Variants in VWA5B1 observed in about 807,000 individuals in gnomAD.
VWA5B1 encodes the protein von Willebrand factor A domain containing 5B1.
Under a neutral mutation model 118.2 loss-of-function variants are expected in VWA5B1, and 115 were observed. The ratio of observed to expected loss-of-function variants is 0.97; its 90% CI spans 0.84 to 1.14. The LOEUF (loss-of-function observed/expected upper bound fraction) is 1.14. VWA5B1 is among the 50% of genes most tolerant of loss of function. VWA5B1 has a pLI of 0.00. For missense variants in VWA5B1, 1,596 were observed against 1,603.8 expected, an observed-to-expected ratio of 1.00 and a Z score of 0.08; for synonymous variants, 682 against 658.4, an observed-to-expected ratio of 1.04 and a Z score of -0.55.
chr1:20,299,945 C>T (rs997985629), intron 1 of VWA5B1, among the ~76,000 whole-genome samples: 2 of 152,154 alleles, frequency 1.3e-5, no homozygotes, highest in Non-Finnish European at 2.9e-5. Flanking sequence ...GGTCACAGGC[C>T]CTGCGTAAGA....
chr1:20,291,892 T>C (rs993224125), intron 1 of VWA5B1, among the ~76,000 whole-genome samples: 1 of 152,122 alleles, frequency 6.6e-6, no homozygotes, highest in African/African-American at 2.4e-5. Context: ...AGTTCCACCA[T>C]AACGTCTGCG....
chr1:20,341,114 T>A (rs887736863), intron 14 of VWA5B1, among the ~76,000 whole-genome samples: 2 of 152,236 alleles, frequency 1.3e-5, no homozygotes, highest in African/African-American at 4.8e-5. Context: ...CACTTTGGCA[T>A]GAAGAAAGAT....
chr1:20,308,518 C>T (rs187577897), intron 1 of VWA5B1, among the ~76,000 whole-genome samples: 8 of 152,234 alleles, frequency 5.3e-5, no homozygotes, highest in Non-Finnish European at 1.2e-4. Flanking sequence ...GGGGATGTGG[C>T]TCTGTCAGGA....
At chr1:20,317,471 C>T (rs1557841535) in intron 4 of VWA5B1, 59 bp from the exon 5 acceptor site, 17 of 1,532,458 alleles carry the variant, frequency 1.1e-5, no homozygotes, top group East Asian at 2.5e-5. Flanking sequence ...TGTCTTCTCG[C>T]GCTGGACCCC....
At position 20,353,846 on chromosome 1, in the gene VWA5B1, G is replaced by A. The variant is rs956708063; in HGVS notation, c.3231G>A (p.Thr1077=). The change falls in exon 22 of 22, where the codon ACG becomes ACA. Residue 1077 remains threonine (T), a synonymous_variant. Transcript: ENST00000289815. ...TCCCCATGGAGAAGCTCAAGTGGAC[G>A]TCCCCCTTCACCTGCCATCGAGTGT... ...THIPMEKLKW[T]SPFTCHRVSL... is the part of the protein sequence containing the mutation. 1.9e-5 allele frequency: 29 copies of A among 1,532,292 alleles called. No homozygotes were observed. The highest frequency in any genetic ancestry group is 2.4e-5 in the Non-Finnish European group (27 of 1,137,540). The allele number at this position is 1,532,292 out of a possible 1,614,324, so 94.9% of individuals were successfully genotyped here.
intron 1 of VWA5B1, among the ~76,000 whole-genome samples, chr1:20,308,285 G>A (rs1163772521): frequency 6.6e-6 from 1 of 152,146 alleles, no homozygotes; most frequent in Non-Finnish European, 1.5e-5. Context: ...CAGATGAGAT[G>A]TCCCTCATCT....
intron 14 of VWA5B1, among the ~76,000 whole-genome samples, 191 bp from the exon 15 acceptor site, chr1:20,342,241 T>C (rs1479008012): frequency 2.0e-5 from 3 of 148,628 alleles, no homozygotes; most frequent in African/African-American, 7.5e-5. Context: ...GGAGACTGGG[T>C]CATGCGTCCC....
intron 16 of VWA5B1, 52 bp downstream of exon 16, chr1:20,343,445 C>T: frequency 6.8e-7 from 1 of 1,463,672 alleles, no homozygotes; most frequent in Non-Finnish European, 9.0e-7. Flanking sequence ...GGAGGACAGC[C>T]CCGCTCCACA....
chr1:20,326,391 G>A (rs964593785), intron 8 of VWA5B1, among the ~76,000 whole-genome samples: 1 of 152,006 alleles, frequency 6.6e-6, no homozygotes, highest in African/African-American at 2.4e-5. Context: ...TGGGGGTGAG[G>A]GGGAGACAGA....
Position 20,314,332 on chromosome 1 carries a change from G to C in VWA5B1, c.303G>C (p.Leu101=). 1.3e-6 allele frequency: 2 copies of C among 1,551,866 alleles called. No homozygotes were observed. Among genetic ancestry groups the C allele is most frequent in the African/African-American group, 1.4e-5 (1 of 73,168 alleles). ...CAGCCTGGCACTTAGGGAACATTCT[G>C]CAAGACGGGGTTTCCATAGCCCCTC... ...VRSPTVTGNI[L]QDGVSIAPHS... The change falls in exon 4 of 22, where the codon CTG becomes CTC. Residue 101 remains leucine, a synonymous_variant. Transcript: ENST00000289815.
chr1:20,318,194 T>C (rs998781081), intron 5 of VWA5B1, among the ~76,000 whole-genome samples: 3 of 151,816 alleles, frequency 2.0e-5, no homozygotes, highest in African/African-American at 7.3e-5. Flanking sequence ...ATATGGTTTC[T>C]TGTCAGTGCG....
intron 17 of VWA5B1, among the ~76,000 whole-genome samples, chr1:20,347,000 C>G (rs1197247607): frequency 6.6e-6 from 1 of 152,166 alleles, no homozygotes; most frequent in Non-Finnish European, 1.5e-5. Flanking sequence ...GTCCCTCCCA[C>G]CTGTCTATGA....
chr1:20,315,037 C>T (rs577874852), intron 4 of VWA5B1, among the ~76,000 whole-genome samples: 2 of 152,254 alleles, frequency 1.3e-5, no homozygotes, highest in East Asian at 1.9e-4. Context: ...TACTGGAATG[C>T]GTTATTGACT....
intron 1 of VWA5B1, among the ~76,000 whole-genome samples, chr1:20,291,523 C>T (rs1186884095): frequency 6.6e-6 from 1 of 151,856 alleles, no homozygotes; most frequent in African/African-American, 2.4e-5. Flanking sequence ...CTGTCTCTCT[C>T]TTCTCTCTGC....
chr1:20,354,269 TG>T lies in VWA5B1; in HGVS notation c.*7del. On this transcript the variant is annotated 3_prime_UTR_variant, in exon 22 of 22. Coordinates refer to ENST00000289815, the MANE Select transcript of VWA5B1 (RefSeq NM_001039500.3). ...ATAACCCGAATTATGTGTAGTTGAG[TG>T]ACGGGGAGGCTGGGTGGAGGGAAGG... 2 of 1,505,892 alleles carry T rather than the reference TG, an allele frequency of 1.3e-6. No homozygotes were observed. Among genetic ancestry groups the T allele is most frequent in the African/African-American group, 1.4e-5 (1 of 70,182 alleles). 93.3% of individuals were successfully genotyped at this position (1,505,892 alleles called of 1,614,324 possible).
In VWA5B1 at chr1:20,340,190, T is replaced by G. The variant is rs538200219; in HGVS notation, c.2134-2242T>G. Reference sequence around the variant, plus strand: ...TATGCATGCACACGCAACACACTTATATGTGCGCGCACACACACACACACA... The same window carrying G: ...TATGCATGCACACGCAACACACTTAGATGTGCGCGCACACACACACACACA... On this transcript the variant is annotated intron_variant, in intron 14 of 21. Transcript: ENST00000289815. Among the ~76,000 whole-genome samples, 3 of 146,248 alleles carry G rather than the reference T, an allele frequency of 2.1e-5. No individual in the cohort carries two copies. The East Asian group carries it at 7.5e-4, about 36-fold the overall frequency.
rs556318844 is a variant in VWA5B1, at chr1:20,343,178, C to T, written c.2411C>T (p.Thr804Ile). The change falls in exon 16 of 22, where the codon ACC (threonine) becomes ATC (isoleucine). Residue 804 changes from threonine (T) to isoleucine (I), a missense_variant. Physicochemically the swap from Thr to Ile is moderately conservative, Grantham distance 89 (BLOSUM62 -1). Coordinates refer to ENST00000289815, the MANE Select transcript of VWA5B1 (RefSeq NM_001039500.3). ...CGAGCCAGTCCCAGCAGGCCCGCCA[C>T]CCCGGCCCCGGTGCTGGGCAAGGCC... ...QERASPSRPA[T>I]PAPVLGKALV... 1.9e-6 allele frequency: 3 copies of T among 1,549,672 alleles called. No individual in the cohort carries two copies. The highest frequency in any genetic ancestry group is 3.9e-5 in the Admixed American group (2 of 50,974).
Position 20,356,880 on chromosome 1 carries a change from C to A in VWA5B1, c.*2617C>A, listed in dbSNP as rs570180335. 1.3e-5 allele frequency among the ~76,000 whole-genome samples: 2 copies of A among 152,306 alleles called. No homozygotes were observed. Among genetic ancestry groups the A allele is most frequent in the Non-Finnish European group, 2.9e-5 (2 of 68,030 alleles). The stretch of plus-strand genomic sequence containing the variant: ...GATGACATGCAGCCTCAAAAACGTG[C>A]TACCGGGACTGCTAGGCAGAGGACC... On this transcript the variant is annotated 3_prime_UTR_variant, in exon 22 of 22. Transcript: ENST00000289815.
At position 20,354,250 on chromosome 1, in the gene VWA5B1, C is replaced by T. The variant is rs750252051; in HGVS notation, c.3635C>T (p.Pro1212Leu). 6.6e-5 allele frequency: 102 copies of T among 1,544,292 alleles called. No individual in the cohort carries two copies. Among genetic ancestry groups the T allele is most frequent in the Non-Finnish European group, 7.9e-5 (90 of 1,143,208 alleles). Residue 1212 changes from proline (P) to leucine (L), a missense_variant, in exon 22 of 22, where the codon CCG becomes CTG. Pro to Leu is a moderately conservative substitution (Grantham distance 98). Coordinates refer to ENST00000289815, the MANE Select transcript of VWA5B1 (RefSeq NM_001039500.3). ...GAGTTCAATATGCTCTGCTATAACC[C>T]GAATTATGTGTAGTTGAGTGACGGG... ...NLEFNMLCYN[P>L]NYV is the part of the protein sequence containing the mutation.
Sources: gnomAD v4.1 joint callset for allele counts (sites outside exome capture counted in the v4.1 genomes callset) on GRCh38, gnomAD v4.1.1 for gene constraint, MANE v1.5 for transcripts, NCBI Gene and HGNC (gene_info 2026-07-23, HGNC 2026-07-21) for gene names.